The following PI4KA variants were observed in gnomAD, a reference collection of about 807,000 sequenced individuals.
PI4KA encodes phosphatidylinositol 4-kinase alpha.
A neutral mutation model predicts 271.4 loss-of-function variants in PI4KA; 122 were observed. That is an observed-to-expected ratio of 0.45 (90% CI 0.39 to 0.52). The LOEUF is 0.52. Ranked by LOEUF, PI4KA falls within the 20% of genes least tolerant of loss-of-function variation. The pLI, the probability that PI4KA is intolerant of heterozygous loss-of-function variation, is 0.00. For synonymous variants in PI4KA, 1,041 were observed against 1,078.8 expected, an observed-to-expected ratio of 0.96 and a Z score of 0.69; for missense variants, 1,969 against 2,769.1, an observed-to-expected ratio of 0.71 and a Z score of 6.48.
intron 3 of PI4KA, among the ~76,000 whole-genome samples, chr22:20,824,781 A>ACACACACACAC (rs879423661): frequency 7.3e-6 from 1 of 136,482 alleles, no homozygotes; most frequent in Non-Finnish European, 1.6e-5. Context: ...CACACACACA[A>ACACACACACAC]AACACTCGGC....
At position 20,711,406 on chromosome 22, in the gene PI4KA, A is replaced by C; in HGVS notation, c.5858T>G (p.Leu1953Arg). 7.4e-7 allele frequency: 1 copy of C among 1,357,730 alleles called. No individual in the cohort carries two copies. The highest frequency in any genetic ancestry group is 1.0e-6 in the Non-Finnish European group (1 of 969,538). The allele number at this position is 1,357,730 out of a possible 1,614,324, so 84.1% of individuals were successfully genotyped here. ...MAAYSLLLFL[L>R]QIKDRHNGNI... ...GCCGTTGTGTCTGTCCTTGATCTGC[A>C]GCAGGAACAGCAGGAGGCTGTAGGC... The change falls in exon 51 of 55, where the codon CTG (leucine) becomes CGG (arginine). Residue 1953 changes from leucine (L) to arginine (R), a missense_variant. Transcript: ENST00000255882.
At chr22:20,765,714 G>C in intron 19 of PI4KA, 21 bp from the exon 20 acceptor site, 1 of 1,500,974 alleles carries the variant, frequency 6.7e-7, no homozygotes, top group Non-Finnish European at 9.3e-7. Context: ...AAGAAGAGAG[G>C]GAGAAAGGAG....
In PI4KA at chr22:20,758,171, C is replaced by G. The variant is rs377465626; in HGVS notation, c.2791+3133G>C. On this transcript the variant is annotated intron_variant, in intron 23 of 54. Transcript: ENST00000255882. ...ACGAGGTCAGGAGATCGAGACCATT[C>G]TGGCTAACACAGTGAAACCCCGTCT... is the stretch of plus-strand genomic sequence containing the variant. Among the ~76,000 whole-genome samples the G allele has an allele frequency of 1.1e-4, 16 of 152,048 alleles. No homozygotes were observed. The South Asian group carries it at 2.9e-3, about 28-fold the overall frequency.
intron 19 of PI4KA, among the ~76,000 whole-genome samples, chr22:20,785,604 G>A (rs1370110635): frequency 6.6e-6 from 1 of 152,074 alleles, no homozygotes; most frequent in Non-Finnish European, 1.5e-5. Flanking sequence ...ATACAGGAAA[G>A]GTTCTTTTTA....
chr22:20,744,827 G>T (rs1929875518), intron 29 of PI4KA, 107 bp from the exon 30 acceptor site: 3 of 751,580 alleles, frequency 4.0e-6, no homozygotes, highest in Non-Finnish European at 4.2e-6. Flanking sequence ...GGGTCTGGGG[G>T]TTACTATTAA....
intron 9 of PI4KA, 24 bp from the exon 10 acceptor site, chr22:20,807,482 G>A (rs1329647853): frequency 7.1e-7 from 1 of 1,411,128 alleles, no homozygotes; most frequent in African/African-American, 1.4e-5. Context: ...AGACACACAT[G>A]ACTATAGAAC....
chr22:20,780,305 G>A (rs1201958345), intron 19 of PI4KA: 1 of 1,547,296 alleles, frequency 6.5e-7, no homozygotes, highest in East Asian at 2.2e-5. Flanking sequence ...AATTTATCCA[G>A]GAAAACTAGA....
rs80213686 is a variant in PI4KA, at chr22:20,751,635, G to A, written c.3069+39C>T. On this transcript the variant is annotated intron_variant, in intron 26 of 54. Coordinates refer to ENST00000255882, the MANE Select transcript of PI4KA (RefSeq NM_058004.4). ...AGGGCCGGCGGGGTGGTGGTAGAGC[G>A]GGTGGTGTTTGGGCCCTAGGTCTCC... The A allele has an allele frequency of 9.8e-5, 148 of 1,515,874 alleles. No homozygotes were observed. The East Asian group carries it at 2.8e-3, about 29-fold the overall frequency. The allele number at this position is 1,515,874 out of a possible 1,614,324, so 93.9% of individuals were successfully genotyped here. A position where few individuals can be genotyped will look rare whatever the true frequency, so the allele number is the denominator to read the frequency against.
In PI4KA at chr22:20,724,332, G is replaced by A. The variant is rs558538469; in HGVS notation, c.4995+2156C>T. On this transcript the variant is annotated intron_variant, in intron 42 of 54. Transcript: ENST00000255882. ...AAAAAAAAAAAAATTCTGGCTGAGCGCAGTGGCTCATGCCTGTAATCCTAG... is the reference window on the plus strand; with the variant it reads ...AAAAAAAAAAAAATTCTGGCTGAGCACAGTGGCTCATGCCTGTAATCCTAG... Among the ~76,000 whole-genome samples the A allele has an allele frequency of 3.3e-5, 5 of 150,564 alleles. No homozygotes were observed. The East Asian group carries it at 1.0e-3, about 30-fold the overall frequency.
At chr22:20,790,954 C>T (rs5751970) in intron 19 of PI4KA, among the ~76,000 whole-genome samples, 10,541 of 152,142 alleles carry the variant, frequency 0.069, 351 homozygotes, top group East Asian at 0.079. Context: ...TTTAAATGAG[C>T]ATGTGCTAAG....
intron 17 of PI4KA, 81 bp from the exon 18 acceptor site, chr22:20,796,395 G>T: frequency 2.2e-6 from 3 of 1,389,860 alleles, no homozygotes; most frequent in Non-Finnish European, 3.0e-6. Context: ...GGTGAGGCGA[G>T]CTGAGCGGGC....
At chr22:20,770,545 G>A (rs529573797) in intron 19 of PI4KA, among the ~76,000 whole-genome samples, 5 of 133,454 alleles carry the variant, frequency 3.7e-5, no homozygotes, top group South Asian at 4.8e-4. Context: ...GAGAGAGAGA[G>A]ATCGGTTTTG....
At chr22:20,714,337 A>G in intron 47 of PI4KA, 121 bp downstream of exon 47, 2 of 1,495,896 alleles carry the variant, frequency 1.3e-6, no homozygotes, top group Non-Finnish European at 1.8e-6. Context: ...GTGAGGGCAG[A>G]CAGATGGACA....
chr22:20,720,534 G>T (rs1458752919), intron 43 of PI4KA, among the ~76,000 whole-genome samples: 1 of 152,120 alleles, frequency 6.6e-6, no homozygotes, highest in African/African-American at 2.4e-5. Flanking sequence ...CCTGGGAGAG[G>T]GACCCTGCCT....
intron 17 of PI4KA, 72 bp from the exon 18 acceptor site, chr22:20,796,386 G>T: frequency 1.4e-6 from 2 of 1,479,426 alleles, no homozygotes; most frequent in Non-Finnish European, 9.3e-7. Flanking sequence ...CACTGCAGGG[G>T]TGAGGCGAGC....
intron 47 of PI4KA, 83 bp from the exon 48 acceptor site, chr22:20,713,473 G>A: frequency 9.6e-7 from 1 of 1,046,972 alleles, no homozygotes; most frequent in Non-Finnish European, 1.4e-6. Context: ...CCTCTCACAT[G>A]CCTGAAAGGA....
At chr22:20,714,352 T>A (rs1925702745) in intron 47 of PI4KA, 106 bp downstream of exon 47, 1 of 1,501,886 alleles carries the variant, frequency 6.7e-7, no homozygotes, top group Non-Finnish European at 8.9e-7. Flanking sequence ...TGGACAGACA[T>A]CATCTTTTAT....
At chr22:20,745,485 T>C (rs576369749) in intron 29 of PI4KA, among the ~76,000 whole-genome samples, 2 of 152,252 alleles carry the variant, frequency 1.3e-5, no homozygotes, top group South Asian at 2.1e-4. Flanking sequence ...GGATTTTTTT[T>C]TGAGGGGACA....
chr22:20,804,530 TGA>T (rs1935522140), intron 11 of PI4KA, 130 bp from the exon 12 acceptor site: 1 of 685,406 alleles, frequency 1.5e-6, no homozygotes, highest in Non-Finnish European at 2.6e-6. Context: ...TTATTCATAC[TGA>T]GAGGTCACAC....
Sources: gnomAD v4.1 joint callset for allele counts (sites outside exome capture counted in the v4.1 genomes callset) on GRCh38, gnomAD v4.1.1 for gene constraint, MANE v1.5 for transcripts, NCBI Gene and HGNC (gene_info 2026-07-23, HGNC 2026-07-21) for gene names.